Variants in KLHL5 observed in about 807,000 individuals in gnomAD.
KLHL5 encodes kelch-like protein 5.
Under a neutral mutation model 77.7 loss-of-function variants are expected in KLHL5, and 48 were observed. The observed-to-expected ratio is 0.62, with a 90% CI of 0.49 to 0.79. The LOEUF is 0.79. Ranked by LOEUF, KLHL5 falls within the 30% of genes least tolerant of loss-of-function variation. The probability of loss-of-function intolerance (pLI) is 0.00; values close to 1 mark genes in which losing one functional copy is unlikely to be tolerated. For missense variants in KLHL5, 723 were observed against 859.7 expected (o/e 0.84, Z 1.99); for synonymous variants, 260 against 297.0 (o/e 0.88, Z 1.28).
At chr4:39,132,337 G>A in the KLHL5 span, among the ~76,000 whole-genome samples, 4 of 152,178 alleles carry the variant, frequency 2.6e-5, no homozygotes, top group African/African-American at 4.8e-5. Context: ...AACTGGGCGT[G>A]TTGGCTCACT....
the KLHL5 span, among the ~76,000 whole-genome samples, chr4:39,137,522 G>T: frequency 6.6e-6 from 1 of 152,106 alleles, no homozygotes; most frequent in Non-Finnish European, 1.5e-5. Flanking sequence ...TACTTGGGAG[G>T]CTGAGGTGGG....
Position 39,089,465 on chromosome 4 carries a change from A to G in KLHL5, c.1113+2738A>G, listed in dbSNP as rs1373726884. ...ACTTTTTTGAAAACTACTTCCTTAG[A>G]TTGTTGAATCCAAAGGCAAGAGAAT... On this transcript the variant is annotated intron_variant, in intron 5 of 10. Transcript: ENST00000504108. Among the ~76,000 whole-genome samples the G allele has an allele frequency of 2.6e-5, 4 of 152,116 alleles. No homozygotes were observed. The East Asian group carries it at 7.7e-4, about 29-fold the overall frequency.
At chr4:39,082,283 G>C (rs1719687965) in intron 4 of KLHL5, 124 bp downstream of exon 4, 1 of 733,796 alleles carries the variant, frequency 1.4e-6, no homozygotes, top group Non-Finnish European at 2.2e-6. Flanking sequence ...GAGCTTCATT[G>C]CCTAGTGTGT....
At chr4:39,068,857 A>C (rs530434776) in intron 1 of KLHL5, among the ~76,000 whole-genome samples, 1 of 152,342 alleles carries the variant, frequency 6.6e-6, no homozygotes, top group South Asian at 2.1e-4. Flanking sequence ...TTAACTACGT[A>C]ACTACATAAC....
chr4:39,085,960 G>C (rs762834266), intron 4 of KLHL5, among the ~76,000 whole-genome samples: 1 of 152,102 alleles, frequency 6.6e-6, no homozygotes, highest in African/African-American at 2.4e-5. Flanking sequence ...TTTGACTGTC[G>C]TATAACTCTA....
intron 10 of KLHL5, 112 bp downstream of exon 10, chr4:39,115,442 T>G (rs939101589): frequency 6.5e-7 from 1 of 1,547,152 alleles, no homozygotes; most frequent in Non-Finnish European, 8.7e-7. Context: ...GGCATAAATA[T>G]GACAATCACG....
intron 5 of KLHL5, among the ~76,000 whole-genome samples, chr4:39,093,604 T>G (rs896863661): frequency 6.6e-6 from 1 of 152,034 alleles, no homozygotes; most frequent in Non-Finnish European, 1.5e-5. Context: ...CTAAAATGAT[T>G]ATTAAGAAAT....
intron 5 of KLHL5, chr4:39,093,468 TTGAA>T (rs1720777810): frequency 2.2e-6 from 1 of 455,180 alleles, no homozygotes; most frequent in Non-Finnish European, 4.4e-6. Context: ...ATTGTGTACT[TTGAA>T]TGGATAAATT....
Position 39,062,731 on chromosome 4 carries a change from TCTC to T in KLHL5, c.82_84del (p.Pro28del). 1 of 1,614,132 alleles carries T rather than the reference TCTC, an allele frequency of 6.2e-7. No individual in the cohort carries two copies. Among genetic ancestry groups the T allele is most frequent in the Non-Finnish European group, 8.5e-7 (1 of 1,179,996 alleles). On this transcript the variant is annotated inframe_deletion, in exon 1 of 11. Transcript: ENST00000504108. ...GAGGTGGTTTGGTCATCAAGCATCATCTCCTAATTCTACAGTTGACAGCCAGCA... is the reference window on the plus strand; with the variant it reads ...GAGGTGGTTTGGTCATCAAGCATCATCTAATTCTACAGTTGACAGCCAGCA...
At chr4:39,075,890 TC>T in intron 1 of KLHL5, 74 bp from the exon 2 acceptor site, 2 of 1,256,842 alleles carry the variant, frequency 1.6e-6, no homozygotes, top group Non-Finnish European at 2.2e-6. Context: ...TTGAAGGCTT[TC>T]AAAAGACTTA....
intron 1 of KLHL5, among the ~76,000 whole-genome samples, chr4:39,055,213 CATTAGAATATTA>C (rs1560403373): frequency 6.6e-6 from 1 of 152,200 alleles, no homozygotes; most frequent in South Asian, 2.1e-4. Flanking sequence ...AAGGAGTGCA[CATTAGAATATTA>C]ATTAACTACA....
chr4:39,073,039 A>G (rs964053806), intron 1 of KLHL5, among the ~76,000 whole-genome samples: 1 of 152,234 alleles, frequency 6.6e-6, no homozygotes, highest in African/African-American at 2.4e-5. Flanking sequence ...ACATGTATCA[A>G]AACATCACAT....
At position 39,062,492 on chromosome 4, in the gene KLHL5, T is replaced by C; in HGVS notation, c.-161T>C. The C allele has an allele frequency of 6.3e-7, 1 of 1,588,126 alleles. No individual in the cohort carries two copies. The highest frequency in any genetic ancestry group is 8.6e-7 in the Non-Finnish European group (1 of 1,165,480). Reference sequence around the variant, plus strand: ...TTCTTTAAAATCTGATATATTGGCATAAAAGTAATTGTAGATATATATATG... The same window carrying C: ...TTCTTTAAAATCTGATATATTGGCACAAAAGTAATTGTAGATATATATATG... On this transcript the variant is annotated 5_prime_UTR_variant, in exon 1 of 11. It removes the in-frame stop codon of an upstream open reading frame in the 5' UTR. Coordinates refer to ENST00000504108, the MANE Select transcript of KLHL5 (RefSeq NM_015990.5).
In KLHL5 at chr4:39,078,460, C is replaced by T. The variant is rs184422744; in HGVS notation, c.566+2313C>T. 4.2e-3 allele frequency among the ~76,000 whole-genome samples: 635 copies of T among 151,750 alleles called. 2 individuals carry two copies. Among genetic ancestry groups the T allele is most frequent in the Non-Finnish European group, 7.2e-3 (488 of 67,956 alleles). On this transcript the variant is annotated intron_variant, in intron 2 of 10. Coordinates refer to ENST00000504108, the MANE Select transcript of KLHL5 (RefSeq NM_015990.5). ...CTGTAATCCTAGCGCTTTGGAAGGCCGAGGTGGGTGGATCACTTGAGGCCA... is the reference window on the plus strand; with the variant it reads ...CTGTAATCCTAGCGCTTTGGAAGGCTGAGGTGGGTGGATCACTTGAGGCCA...
upstream of KLHL5, among the ~76,000 whole-genome samples, chr4:39,058,707 G>A (rs1026404330): frequency 1.3e-5 from 2 of 152,102 alleles, no homozygotes; most frequent in African/African-American, 2.4e-5. Context: ...AATAGTATAA[G>A]TATATACTTT....
rs747736588 is a variant in KLHL5, at chr4:39,062,721, T to C, written c.69T>C (p.His23=). ...AAATCAGATGGAGGTGGTTTGGTCA[T>C]CAAGCATCATCTCCTAATTCTACAG... ...ILKIRWRWFG[H]QASSPNSTVD... Residue 23 remains histidine (H), a synonymous_variant, in exon 1 of 11, where the codon CAT becomes CAC. Transcript: ENST00000504108. 1 of 1,614,148 alleles carries C rather than the reference T, an allele frequency of 6.2e-7. No homozygotes were observed. The highest frequency in any genetic ancestry group is 2.2e-5 in the East Asian group (1 of 44,880).
At chr4:39,058,415 C>T (rs1577635921), upstream of KLHL5, among the ~76,000 whole-genome samples, 2 of 152,178 alleles carry the variant, frequency 1.3e-5, no homozygotes, top group Middle Eastern at 6.8e-3. Context: ...CACTTGAGCT[C>T]AGGAATTCGA....
In KLHL5 at chr4:39,109,596, G is replaced by A. The variant is rs28564515; in HGVS notation, c.1688+1865G>A. Among the ~76,000 whole-genome samples the A allele has an allele frequency of 6.5e-3, 975 of 150,832 alleles. 17 individuals are homozygous for A. Among genetic ancestry groups the A allele is most frequent in the African/African-American group, 0.022 (920 of 41,128 alleles). ...TTACAGGCATGAGCCACTGCACCTG[G>A]CCTATTTTAACTTATTTATAATTTC... On this transcript the variant is annotated intron_variant, in intron 8 of 10. Coordinates refer to ENST00000504108, the MANE Select transcript of KLHL5 (RefSeq NM_015990.5).
upstream of KLHL5, chr4:39,045,028 C>T: frequency 2.0e-6 from 2 of 993,800 alleles, no homozygotes; most frequent in Non-Finnish European, 2.4e-6. Flanking sequence ...CGGCCCCCGC[C>T]TCCCCCGCTC....
Sources: allele counts gnomAD v4.1 joint callset (sites outside exome capture counted in the v4.1 genomes callset), GRCh38; gene constraint gnomAD v4.1.1; transcripts MANE v1.5; gene names NCBI Gene and HGNC (gene_info 2026-07-23, HGNC 2026-07-21).